PKNOX2: variants seen among roughly 807,000 people sequenced by gnomAD.
PKNOX2 encodes homeobox protein PKNOX2.
Under a neutral mutation model 53.1 loss-of-function variants are expected in PKNOX2, and 14 were observed. The observed-to-expected ratio is 0.26, with a 90% CI of 0.17 to 0.41. The LOEUF is 0.41. PKNOX2 is among the 10% of genes least tolerant of loss of function. PKNOX2 has a pLI of 1.00. For missense variants in PKNOX2, 496 were observed against 602.8 expected, an observed-to-expected ratio of 0.82 and a Z score of 1.85; for synonymous variants, 257 against 242.8, an observed-to-expected ratio of 1.06 and a Z score of -0.54.
intron 6 of PKNOX2, among the ~76,000 whole-genome samples, chr11:125,387,182 C>A (rs570626129): frequency 6.6e-6 from 1 of 152,112 alleles, no homozygotes; most frequent in South Asian, 2.1e-4. Flanking sequence ...AGACTGCAGT[C>A]GGGGAGCAGA....
intron 2 of PKNOX2, among the ~76,000 whole-genome samples, chr11:125,290,892 G>A (rs1208509703): frequency 6.6e-6 from 1 of 151,978 alleles, no homozygotes; most frequent in Non-Finnish European, 1.5e-5. Context: ...TGTCATATGG[G>A]GGATGCAGAT....
chr11:125,222,782 TGTGTATGTGTGTGTGTGTGTGC>T (rs1941339804), intron 1 of PKNOX2, among the ~76,000 whole-genome samples: 2 of 151,706 alleles, frequency 1.3e-5, no homozygotes, highest in Middle Eastern at 3.4e-3. Context: ...TGTGTGTATG[TGTGTATGTGTGTGTGTGTGTGC>T]GTGTGTATGT....
chr11:125,216,455 G>A (rs1940509055), intron 1 of PKNOX2, among the ~76,000 whole-genome samples: 1 of 152,186 alleles, frequency 6.6e-6, no homozygotes, highest in South Asian at 2.1e-4. Context: ...GTCCCGGCAG[G>A]TGCTGAGGGG....
intron 1 of PKNOX2, among the ~76,000 whole-genome samples, chr11:125,223,611 C>T (rs1056782743): frequency 3.3e-5 from 5 of 152,092 alleles, no homozygotes; most frequent in African/African-American, 7.2e-5. Flanking sequence ...ACCAGAGTAA[C>T]GAAGCCGTCA....
At chr11:125,286,041 T>G (rs1179216283) in intron 2 of PKNOX2, among the ~76,000 whole-genome samples, 4 of 152,108 alleles carry the variant, frequency 2.6e-5, no homozygotes, top group African/African-American at 9.7e-5. Flanking sequence ...GGTCCTGGTG[T>G]GTAGGGCGTA....
chr11:125,353,246 G>C (rs1951414841), intron 4 of PKNOX2, among the ~76,000 whole-genome samples: 1 of 152,208 alleles, frequency 6.6e-6, no homozygotes, highest in Non-Finnish European at 1.5e-5. Flanking sequence ...CTCAAGGACA[G>C]ACCAGGGCAG....
rs186458312 is a variant in PKNOX2 at position 125,212,515 on chromosome 11, C to T, written c.-200-22530C>T. Among the ~76,000 whole-genome samples the T allele has an allele frequency of 6.3e-3, 881 of 139,830 alleles. 8 individuals are homozygous for T. The highest frequency in any genetic ancestry group is 0.015 in the African/African-American group (542 of 37,060). 91.7% of individuals were successfully genotyped at this position (139,830 alleles called of 152,430 possible). On this transcript the variant is annotated intron_variant, in intron 1 of 12. Coordinates refer to ENST00000298282, the MANE Select transcript of PKNOX2 (RefSeq NM_001382323.2). ...TGTTGCCCAGGGTGGAGTGCAGCGG[C>T]GTGATCACGGCTCACTGCAACCTCC...
chr11:125,180,474 A>C (rs1379011197), intron 1 of PKNOX2, among the ~76,000 whole-genome samples: 1 of 152,222 alleles, frequency 6.6e-6, no homozygotes, highest in African/African-American at 2.4e-5. Flanking sequence ...AAATTGACTC[A>C]TGGAATGTCA....
Position 125,165,688 on chromosome 11 carries a change from G to A in PKNOX2, c.-201+912G>A, listed in dbSNP as rs1034664190. 6.6e-6 allele frequency among the ~76,000 whole-genome samples: 1 copy of A among 152,200 alleles called. No homozygotes were observed. The highest frequency in any genetic ancestry group is 2.4e-5 in the African/African-American group (1 of 41,460). On this transcript the variant is annotated intron_variant, in intron 1 of 12. Coordinates refer to ENST00000298282, the MANE Select transcript of PKNOX2 (RefSeq NM_001382323.2). This position sits in a 1 kb window ranked among gnomAD's most constrained non-coding sequence, Gnocchi z 4.5. ...AGGAGCGAGAATGTGTAGGGTCACC[G>A]GCTTTCCATGATTGCTGGGGATCTT...
intron 3 of PKNOX2, among the ~76,000 whole-genome samples, chr11:125,349,765 C>T (rs1422842757): frequency 6.6e-6 from 1 of 151,834 alleles, no homozygotes; most frequent in Non-Finnish European, 1.5e-5. Flanking sequence ...TCAAAGCGTA[C>T]TTGGTATCTT....
At chr11:125,273,096 GC>G (rs1945915047) in intron 2 of PKNOX2, among the ~76,000 whole-genome samples, 1 of 152,180 alleles carries the variant, frequency 6.6e-6, no homozygotes, top group Non-Finnish European at 1.5e-5. Context: ...CGCTTGTCAG[GC>G]CCGGAGAGAC....
chr11:125,283,594 G>C (rs1946716252), intron 2 of PKNOX2, among the ~76,000 whole-genome samples: 2 of 152,246 alleles, frequency 1.3e-5, no homozygotes, highest in Admixed American at 1.3e-4. Flanking sequence ...CACAGCCTGT[G>C]TGTTTTCAGG....
intron 2 of PKNOX2, among the ~76,000 whole-genome samples, chr11:125,260,507 T>G (rs558779915): frequency 6.6e-6 from 1 of 150,622 alleles, no homozygotes; most frequent in African/African-American, 2.5e-5. Flanking sequence ...TGTTTTATGG[T>G]TTTTTTTAAT....
intron 5 of PKNOX2, among the ~76,000 whole-genome samples, chr11:125,368,656 C>T (rs116751847): frequency 0.016 from 2,375 of 152,292 alleles, 70 homozygotes; most frequent in African/African-American, 0.054. Flanking sequence ...GGGCAGGCAG[C>T]TTGTTTCTTC....
rs1167598893 is a variant in PKNOX2, at chr11:125,430,033, G to A, written c.1084G>A (p.Ala362Thr). ...DASNPDPAPK[A>T]KKIKSQHRPT... ...CAGCAACCCAGATCCTGCCCCCAAAGCCAAGAAGATCAAGTCTCAGCACCG... is the reference window on the plus strand; with the variant it reads ...CAGCAACCCAGATCCTGCCCCCAAAACCAAGAAGATCAAGTCTCAGCACCG... The change falls in exon 12 of 13, where the codon GCC (alanine) becomes ACC (threonine). Residue 362 changes from alanine (A) to threonine (T), a missense_variant. By Grantham distance (58) the Ala-to-Thr change is moderately conservative. This residue lies in a region of PKNOX2 where 139 missense variants were observed against 161.3 expected (regional missense o/e 0.86). Transcript: ENST00000298282. 1.2e-6 allele frequency: 2 copies of A among 1,614,184 alleles called. No individual in the cohort carries two copies. Among genetic ancestry groups the A allele is most frequent in the East Asian group, 2.2e-5 (1 of 44,874 alleles).
At chr11:125,400,488 G>A (rs1264803270) in intron 7 of PKNOX2, among the ~76,000 whole-genome samples, 2 of 152,132 alleles carry the variant, frequency 1.3e-5, no homozygotes, top group Admixed American at 6.5e-5. Context: ...GTGGAAGGGA[G>A]GGCTTTCACA....
intron 2 of PKNOX2, among the ~76,000 whole-genome samples, chr11:125,244,603 G>A (rs1322887213): frequency 1.3e-5 from 2 of 152,222 alleles, no homozygotes; most frequent in African/African-American, 4.8e-5. Flanking sequence ...GTGCCAGGGG[G>A]CTGGGAGGCT....
intron 2 of PKNOX2, among the ~76,000 whole-genome samples, chr11:125,280,262 A>G (rs1007546056): frequency 1.3e-5 from 2 of 152,166 alleles, no homozygotes; most frequent in Non-Finnish European, 1.5e-5. Flanking sequence ...CGGCTTTGAT[A>G]TGCACCTCGT....
chr11:125,226,279 G>A (rs1413143052), intron 1 of PKNOX2, among the ~76,000 whole-genome samples: 4 of 152,202 alleles, frequency 2.6e-5, no homozygotes, highest in Non-Finnish European at 4.4e-5. Context: ...AACCCAGTGA[G>A]TATCTTCTCC....
Sources: gnomAD v4.1 joint callset for allele counts (sites outside exome capture counted in the v4.1 genomes callset) on GRCh38, gnomAD v4.1.1 for gene constraint, gnomAD v4.1.1 regional missense constraint, Gnocchi (gnomAD v3.1) non-coding constraint, MANE v1.5 for transcripts, NCBI Gene and HGNC (gene_info 2026-07-23, HGNC 2026-07-21) for gene names.